The following ANKS1A variants were observed in gnomAD, a reference collection of about 807,000 sequenced individuals.
The protein encoded by ANKS1A is ankyrin repeat and sterile alpha motif domain containing 1A, also known as ankyrin repeat and SAM domain-containing protein 1A.
In ANKS1A, 55 loss-of-function variants were observed where a neutral mutation model predicts 120.3. The ratio of observed to expected loss-of-function variants is 0.46; its 90% CI spans 0.37 to 0.57. The LOEUF (loss-of-function observed/expected upper bound fraction) is 0.57, where lower values mean the gene tolerates loss of function less well. Ranked by LOEUF, ANKS1A falls within the 20% of genes least tolerant of loss-of-function variation. ANKS1A has a pLI of 0.00. For synonymous variants in ANKS1A, 590 were observed against 604.7 expected (o/e 0.98, Z 0.36); for missense variants, 1,123 against 1,480.3 (o/e 0.76, Z 3.96).
chr6:35,086,709 T>C lies in ANKS1A; in HGVS notation c.3304-243T>C, dbSNP rs1561970936. The stretch of plus-strand genomic sequence containing the variant: ...GAGGCCCGCCTAGGACAGGGGTCCT[T>C]TAACTGAGCAATCCCAAGAAATCCC... On this transcript the variant is annotated intron_variant, in intron 22 of 23. Transcript: ENST00000360359. This position sits in a 1 kb window ranked among gnomAD's most constrained non-coding sequence, Gnocchi z 5.1. 6.6e-6 allele frequency among the ~76,000 whole-genome samples: 1 copy of C among 152,126 alleles called. No individual in the cohort carries two copies. Among genetic ancestry groups the C allele is most frequent in the Non-Finnish European group, 1.5e-5 (1 of 67,988 alleles).
At chr6:35,014,666 T>TTCCTTTCATTGTTGGTGCC (rs1773915633) in intron 10 of ANKS1A, among the ~76,000 whole-genome samples, 2 of 152,222 alleles carry the variant, frequency 1.3e-5, no homozygotes, top group Non-Finnish European at 2.9e-5. Flanking sequence ...GCTGTGGTGT[T>TTCCTTTCATTGTTGGTGCC]TCCTTTCATT....
chr6:35,019,587 A>G (rs1022850140), intron 11 of ANKS1A, among the ~76,000 whole-genome samples: 1 of 152,226 alleles, frequency 6.6e-6, no homozygotes, highest in Admixed American at 6.5e-5. Context: ...CCACTTGTGG[A>G]AAGTCACTAT....
intron 11 of ANKS1A, among the ~76,000 whole-genome samples, chr6:35,047,002 A>G (rs956280330): frequency 1.2e-4 from 19 of 152,186 alleles, no homozygotes; most frequent in African/African-American, 1.7e-4. Flanking sequence ...TCACTGCAGC[A>G]TGTGCTCTTT....
intron 10 of ANKS1A, among the ~76,000 whole-genome samples, chr6:34,996,427 A>C (rs1411363911): frequency 6.6e-6 from 1 of 151,920 alleles, no homozygotes. Flanking sequence ...TCTTAATTTC[A>C]ATAAAGTTCA....
intron 11 of ANKS1A, among the ~76,000 whole-genome samples, chr6:35,053,489 G>T (rs1776062996): frequency 6.6e-6 from 1 of 152,252 alleles, no homozygotes; most frequent in South Asian, 2.1e-4. Context: ...ATCCAGGACT[G>T]CTGGACTCCA....
At chr6:34,957,700 G>A (rs530258422) in intron 1 of ANKS1A, among the ~76,000 whole-genome samples, 1 of 152,262 alleles carries the variant, frequency 6.6e-6, no homozygotes, top group East Asian at 1.9e-4. Context: ...GCCTTTATCT[G>A]ACTTGATGCT....
intron 13 of ANKS1A, among the ~76,000 whole-genome samples, chr6:35,071,800 C>A (rs78435960): frequency 7.2e-5 from 11 of 152,346 alleles, no homozygotes; most frequent in African/African-American, 2.6e-4. Context: ...ACCCCGGCCT[C>A]GTGGAGCCTT....
chr6:35,033,165 C>A (rs1177041207), intron 11 of ANKS1A, among the ~76,000 whole-genome samples: 2 of 152,222 alleles, frequency 1.3e-5, no homozygotes, highest in Non-Finnish European at 2.9e-5. Context: ...TTGGACAGTT[C>A]TTGGCCCCTA....
intron 11 of ANKS1A, among the ~76,000 whole-genome samples, chr6:35,027,280 A>G (rs551928294): frequency 6.6e-6 from 1 of 152,300 alleles, no homozygotes; most frequent in East Asian, 1.9e-4. Context: ...GTCCTAAAAG[A>G]GCACTCACCA....
chr6:35,062,450 C>T (rs75282837), intron 13 of ANKS1A, among the ~76,000 whole-genome samples: 1,655 of 152,310 alleles, frequency 0.011, 30 homozygotes, highest in African/African-American at 0.037. Context: ...ACTTACATTG[C>T]ATTAGCTACA....
intron 10 of ANKS1A, among the ~76,000 whole-genome samples, chr6:35,007,918 T>C (rs1416312814): frequency 1.3e-5 from 2 of 152,202 alleles, no homozygotes; most frequent in African/African-American, 2.4e-5. Flanking sequence ...GAGTACCAAT[T>C]CCTTAGCCTT....
chr6:35,033,885 G>A (rs1026146732), intron 11 of ANKS1A, among the ~76,000 whole-genome samples: 11 of 152,152 alleles, frequency 7.2e-5, no homozygotes, highest in African/African-American at 2.4e-4. Flanking sequence ...CGGCAGGATC[G>A]GGCCCTGTTC....
At chr6:35,004,736 A>G (rs1260468809) in intron 10 of ANKS1A, among the ~76,000 whole-genome samples, 2 of 152,140 alleles carry the variant, frequency 1.3e-5, no homozygotes, top group African/African-American at 4.8e-5. Flanking sequence ...CAACATAGTG[A>G]GACCCCATCT....
chr6:34,932,604 T>TA (rs1465441819), intron 1 of ANKS1A, among the ~76,000 whole-genome samples: 2 of 152,182 alleles, frequency 1.3e-5, no homozygotes, highest in Non-Finnish European at 2.9e-5. Flanking sequence ...AGGCTGGTCT[T>TA]AAACTCCTGA....
chr6:35,032,230 G>A (rs1774942952), intron 11 of ANKS1A, among the ~76,000 whole-genome samples: 1 of 152,206 alleles, frequency 6.6e-6, no homozygotes, highest in African/African-American at 2.4e-5. Flanking sequence ...CTGGCCATGA[G>A]GCCTCTCTGC....
At chr6:35,079,743 G>A (rs1419563178) in intron 15 of ANKS1A, 75 bp downstream of exon 15, 18 of 1,611,510 alleles carry the variant, frequency 1.1e-5, no homozygotes, top group Non-Finnish European at 1.4e-5. Flanking sequence ...CTGGCCCAGC[G>A]GAAGATGCTG....
rs1354892071 is a variant in ANKS1A at position 35,083,839 on chromosome 6, C to T, written c.2995-282C>T. Among the ~76,000 whole-genome samples the T allele has an allele frequency of 3.9e-5, 6 of 152,322 alleles. No homozygotes were observed. The East Asian group carries it at 9.7e-4, about 25-fold the overall frequency. On this transcript the variant is annotated intron_variant, in intron 20 of 23. Coordinates refer to ENST00000360359, the MANE Select transcript of ANKS1A (RefSeq NM_015245.3). ...TGTGGGATCCCACCTTCCTGACACC[C>T]TTCCCACTTTGCCCCCACCCTGGAA...
intron 9 of ANKS1A, among the ~76,000 whole-genome samples, chr6:34,991,808 A>G (rs1443485028): frequency 7.0e-6 from 1 of 143,222 alleles, no homozygotes; most frequent in Non-Finnish European, 1.5e-5. Context: ...ATATATACAC[A>G]CACATATATA....
chr6:35,081,301 G>C lies in ANKS1A; in HGVS notation c.2709+143G>C, dbSNP rs12154189. 6 of 1,158,402 alleles carry C rather than the reference G, an allele frequency of 5.2e-6. No individual in the cohort carries two copies. In the Admixed American group the frequency reaches 1.8e-4, roughly 34 times the overall value. 71.8% of individuals were successfully genotyped at this position (1,158,402 alleles called of 1,614,324 possible). On this transcript the variant is annotated intron_variant, in intron 17 of 23. Coordinates refer to ENST00000360359, the MANE Select transcript of ANKS1A (RefSeq NM_015245.3). ...CAGGAGGCACTAGCCTGCTCTGCTCGCCCACACCCAGCCGCCTTGCGTAAG... is the reference window on the plus strand; with the variant it reads ...CAGGAGGCACTAGCCTGCTCTGCTCCCCCACACCCAGCCGCCTTGCGTAAG...
Sources: allele counts gnomAD v4.1 joint callset (sites outside exome capture counted in the v4.1 genomes callset), GRCh38; gene constraint gnomAD v4.1.1; non-coding constraint Gnocchi (gnomAD v3.1); transcripts MANE v1.5; gene names NCBI Gene and HGNC (gene_info 2026-07-23, HGNC 2026-07-21).